The following SHROOM3 variants were observed in gnomAD, a reference collection of about 807,000 sequenced individuals.
The protein encoded by SHROOM3 is protein Shroom3.
Under a neutral mutation model 138.6 loss-of-function variants are expected in SHROOM3, and 47 were observed. The observed-to-expected ratio is 0.34, with a 90% CI of 0.27 to 0.43. SHROOM3 has a LOEUF of 0.43. Ranked by LOEUF, SHROOM3 falls within the 20% of genes least tolerant of loss-of-function variation. SHROOM3 has a pLI of 1.00. For missense variants in SHROOM3, 2,491 were observed against 2,596.5 expected, an observed-to-expected ratio of 0.96 and a Z score of 0.88; for synonymous variants, 1,062 against 1,063.3, an observed-to-expected ratio of 1.00 and a Z score of 0.02.
chr4:76,633,377 C>G (rs900334340), intron 2 of SHROOM3, among the ~76,000 whole-genome samples: 33 of 146,360 alleles, frequency 2.3e-4, no homozygotes, highest in African/African-American at 5.8e-4. Context: ...GAAAAGAAAT[C>G]TTGTTAACTG....
At chr4:76,475,659 C>T (rs963056508) in intron 1 of SHROOM3, among the ~76,000 whole-genome samples, 2 of 152,140 alleles carry the variant, frequency 1.3e-5, no homozygotes, top group African/African-American at 4.8e-5. Context: ...TGAATACATG[C>T]TTAAGGGACA....
intron 1 of SHROOM3, among the ~76,000 whole-genome samples, chr4:76,497,044 G>T (rs972267340): frequency 1.3e-5 from 2 of 152,172 alleles, no homozygotes; most frequent in African/African-American, 2.4e-5. Context: ...ATAAATATTT[G>T]TAGAACAAAT....
At chr4:76,624,207 C>A (rs887557299) in intron 2 of SHROOM3, among the ~76,000 whole-genome samples, 2 of 152,040 alleles carry the variant, frequency 1.3e-5, no homozygotes, top group Non-Finnish European at 2.9e-5. Context: ...CAATTGCAGG[C>A]GTGTAGTATT....
chr4:76,719,411 CAG>C (rs2110122209), intron 3 of SHROOM3, among the ~76,000 whole-genome samples: 1 of 152,270 alleles, frequency 6.6e-6, no homozygotes, highest in East Asian at 1.9e-4. Flanking sequence ...AGTTGAGAAA[CAG>C]AAATTATTTA....
intron 2 of SHROOM3, among the ~76,000 whole-genome samples, chr4:76,574,343 A>T (rs1733894734): frequency 6.6e-6 from 1 of 152,148 alleles, no homozygotes; most frequent in African/African-American, 2.4e-5. Flanking sequence ...ATGCCCAGGA[A>T]CTTCTGGAAA....
At position 76,741,932 on chromosome 4, in the gene SHROOM3, T is replaced by C; in HGVS notation, c.3753+6T>C. ...CCACCGCAGACAAGCGCCAGGTACG[T>C]GCAACCAGCAAGTCCTGGCCTCGAA... On this transcript the variant is annotated splice_donor_region_variant and intron_variant, in intron 5 of 10. Coordinates refer to ENST00000296043, the MANE Select transcript of SHROOM3 (RefSeq NM_020859.4). The surrounding 1 kb of genome is among the most constrained non-coding windows in gnomAD (Gnocchi z 6.2). 6.2e-7 allele frequency: 1 copy of C among 1,611,758 alleles called. No individual in the cohort carries two copies. Among genetic ancestry groups the C allele is most frequent in the Non-Finnish European group, 8.5e-7 (1 of 1,179,738 alleles).
rs1722754906 is a variant in SHROOM3 at position 76,782,340 on chromosome 4, G to A, written c.*3163G>A. 6.6e-6 allele frequency: 1 copy of A among 152,192 alleles called. No individual in the cohort carries two copies. Among genetic ancestry groups the A allele is most frequent in the Non-Finnish European group, 1.5e-5 (1 of 68,044 alleles). 9.4% of individuals were successfully genotyped at this position (152,192 alleles called of 1,614,324 possible). A position where few individuals can be genotyped will look rare whatever the true frequency, so the allele number is the denominator to read the frequency against. On this transcript the variant is annotated 3_prime_UTR_variant, in exon 11 of 11. Transcript: ENST00000296043. ...TTTGGGTCCACCCCTAAGAATCAGT[G>A]GCTGTCTTTTAAGGTGAGGAGTGTG...
intron 1 of SHROOM3, among the ~76,000 whole-genome samples, chr4:76,530,513 T>C (rs945018129): frequency 6.6e-6 from 1 of 152,130 alleles, no homozygotes; most frequent in East Asian, 1.9e-4. Flanking sequence ...TGGGTTGGAG[T>C]TCCCTTAGAA....
chr4:76,478,964 C>A lies in SHROOM3; in HGVS notation c.168+42744C>A, dbSNP rs192295597. Reference sequence around the variant, plus strand: ...AACAAAAAGGATGTCCACTCAGAAACCCCATCTGAAGGTCACCAACATCAA... The same window carrying A: ...AACAAAAAGGATGTCCACTCAGAAAACCCATCTGAAGGTCACCAACATCAA... On this transcript the variant is annotated intron_variant, in intron 1 of 10. Transcript: ENST00000296043. 5.1e-3 allele frequency among the ~76,000 whole-genome samples: 782 copies of A among 152,176 alleles called. 6 individuals are homozygous for A. Among genetic ancestry groups the A allele is most frequent in the African/African-American group, 0.017 (720 of 41,530 alleles).
chr4:76,463,508 A>G (rs1013294952), intron 1 of SHROOM3, among the ~76,000 whole-genome samples: 6 of 152,258 alleles, frequency 3.9e-5, no homozygotes, highest in Non-Finnish European at 8.8e-5. Context: ...ATTTTCTGGG[A>G]AGGAATTCAA....
intron 2 of SHROOM3, among the ~76,000 whole-genome samples, chr4:76,587,902 C>T (rs1005746643): frequency 1.3e-5 from 2 of 152,172 alleles, no homozygotes; most frequent in Non-Finnish European, 2.9e-5. Context: ...AGATATTGAA[C>T]ATTTTTATAT....
intron 1 of SHROOM3, among the ~76,000 whole-genome samples, chr4:76,529,645 G>A (rs1332186859): frequency 1.3e-5 from 2 of 152,232 alleles, no homozygotes; most frequent in African/African-American, 4.8e-5. Context: ...TTGATGGAGA[G>A]TGGAGGCATA....
chr4:76,555,638 G>C lies in SHROOM3; in HGVS notation c.198G>C (p.Leu66=). 1 of 1,613,962 alleles carries C rather than the reference G, an allele frequency of 6.2e-7. No individual in the cohort carries two copies. Among genetic ancestry groups the C allele is most frequent in the Non-Finnish European group, 8.5e-7 (1 of 1,180,010 alleles). Residue 66 remains leucine (L), a synonymous_variant, in exon 2 of 11, where the codon CTG becomes CTC. Transcript: ENST00000296043. ...AAGAAGGGGGCAAAGCAGACACCCT[G>C]AGCTCCAAACTGCAGGCTGGGGATG... ...KVEEGGKADT[L]SSKLQAGDEV...
chr4:76,544,395 A>G (rs1011430415), intron 1 of SHROOM3, among the ~76,000 whole-genome samples: 4 of 140,252 alleles, frequency 2.9e-5, no homozygotes, highest in Non-Finnish European at 6.2e-5. Flanking sequence ...AAATTTTAAG[A>G]TAGCTCAATG....
chr4:76,507,182 T>G (rs1376657557), intron 1 of SHROOM3, among the ~76,000 whole-genome samples: 2 of 152,226 alleles, frequency 1.3e-5, no homozygotes, highest in African/African-American at 2.4e-5. Flanking sequence ...TCACCTTTGT[T>G]GGTCCATGTC....
At chr4:76,519,489 G>A (rs888552333) in intron 1 of SHROOM3, among the ~76,000 whole-genome samples, 7 of 152,146 alleles carry the variant, frequency 4.6e-5, no homozygotes, top group African/African-American at 1.7e-4. Flanking sequence ...TACTCACTGA[G>A]TATATGTCCT....
intron 7 of SHROOM3, 92 bp downstream of exon 7, chr4:76,755,284 C>T (rs550437366): frequency 1.4e-6 from 2 of 1,434,848 alleles, no homozygotes; most frequent in Non-Finnish European, 1.9e-6. Context: ...CAGAAGAACC[C>T]TGGCATGGAG....
intron 2 of SHROOM3, among the ~76,000 whole-genome samples, chr4:76,682,099 G>T (rs1477838478): frequency 6.6e-6 from 1 of 152,252 alleles, no homozygotes; most frequent in Middle Eastern, 3.4e-3. Flanking sequence ...AGAAAAACTG[G>T]CTCTAATTGA....
chr4:76,480,657 C>G (rs778921747), intron 1 of SHROOM3, among the ~76,000 whole-genome samples: 7 of 152,172 alleles, frequency 4.6e-5, no homozygotes, highest in African/African-American at 1.4e-4. Flanking sequence ...ACAGAACTCT[C>G]CATCCCAAAT....
Sources: allele counts gnomAD v4.1 joint callset (sites outside exome capture counted in the v4.1 genomes callset), GRCh38; gene constraint gnomAD v4.1.1; non-coding constraint Gnocchi (gnomAD v3.1); transcripts MANE v1.5; gene names NCBI Gene and HGNC (gene_info 2026-07-23, HGNC 2026-07-21).